DOCK7: variants seen among roughly 807,000 people sequenced by gnomAD.
DOCK7 encodes dedicator of cytokinesis protein 7.
DOCK7 carries 138 observed loss-of-function variants against 271.0 expected under a neutral mutation model. The ratio of observed to expected loss-of-function variants is 0.51; its 90% confidence interval spans 0.44 to 0.59. DOCK7 has a LOEUF of 0.59. Among genes scored for constraint, DOCK7 ranks in the 20% least tolerant of loss-of-function variants. The probability of loss-of-function intolerance (pLI) is 0.00; values close to 1 mark genes in which losing one functional copy is unlikely to be tolerated. For missense variants in DOCK7, 2,066 were observed against 2,592.4 expected (o/e 0.80, Z 4.41); for synonymous variants, 823 against 876.1 (o/e 0.94, Z 1.07).
chr1:62,659,913 C>T (rs1658471711), intron 2 of DOCK7, among the ~76,000 whole-genome samples: 2 of 152,042 alleles, frequency 1.3e-5, no homozygotes, highest in Non-Finnish European at 2.9e-5. Flanking sequence ...TACTAAATAA[C>T]AGAGCTATAA....
At chr1:62,644,937 C>G (rs2149670401) in intron 7 of DOCK7, among the ~76,000 whole-genome samples, 1 of 152,094 alleles carries the variant, frequency 6.6e-6, no homozygotes, top group South Asian at 2.1e-4. Flanking sequence ...TTTTATTTCT[C>G]TGAGAGAAAT....
chr1:62,619,263 A>T (rs893445875), intron 13 of DOCK7, among the ~76,000 whole-genome samples: 2 of 152,222 alleles, frequency 1.3e-5, no homozygotes, highest in African/African-American at 4.8e-5. Flanking sequence ...TCCAATCATA[A>T]TATGAATCTA....
intron 13 of DOCK7, among the ~76,000 whole-genome samples, chr1:62,619,188 A>G (rs1423034135): frequency 1.3e-5 from 2 of 152,228 alleles, no homozygotes; most frequent in African/African-American, 2.4e-5. Flanking sequence ...AAGTCATTTC[A>G]AAGATTAAAA....
chr1:62,633,206 T>G (rs905026949), intron 10 of DOCK7, among the ~76,000 whole-genome samples: 5 of 151,754 alleles, frequency 3.3e-5, no homozygotes, highest in Non-Finnish European at 7.4e-5. Flanking sequence ...GTTCTCTCCA[T>G]GAAGAAAAAA....
At chr1:62,559,820 AG>A (rs1350729031) in intron 19 of DOCK7, among the ~76,000 whole-genome samples, 1 of 152,172 alleles carries the variant, frequency 6.6e-6, no homozygotes, top group East Asian at 1.9e-4. Flanking sequence ...CTTGGATTTC[AG>A]GGGGGTTCCC....
At chr1:62,641,572 C>G (rs991300773) in intron 7 of DOCK7, 1 of 473,068 alleles carries the variant, frequency 2.1e-6, no homozygotes, top group Non-Finnish European at 4.3e-6. Context: ...GGTACTTTAA[C>G]TTGTTTCTGT....
rs1259929599 is a variant in DOCK7 at position 62,680,445 on chromosome 1, A to T, written c.38+7782T>A. 1.1e-4 allele frequency among the ~76,000 whole-genome samples: 17 copies of T among 151,956 alleles called. No individual in the cohort carries two copies. In the East Asian group the frequency reaches 2.9e-3, roughly 26 times the overall value. On this transcript the variant is annotated intron_variant, in intron 1 of 49. Transcript: ENST00000635253. ...AAAACCATAAAAACCCTAGAAGAAA[A>T]CCTAGGCAATACCATTCAGGACATA...
intron 7 of DOCK7, among the ~76,000 whole-genome samples, chr1:62,640,919 T>C (rs1655943257): frequency 6.6e-6 from 1 of 152,246 alleles, no homozygotes; most frequent in African/African-American, 2.4e-5. Context: ...ACAAATTATG[T>C]CTGCACAATT....
intron 5 of DOCK7, 36 bp downstream of exon 5, chr1:62,648,379 T>C: frequency 6.9e-7 from 1 of 1,446,046 alleles, no homozygotes; most frequent in Non-Finnish European, 9.1e-7. Context: ...TATTTTTAAA[T>C]AACTTCTTAT....
chr1:62,658,145 AAAAAAAGAAAGAAAAG>A (rs1658245805), intron 2 of DOCK7, among the ~76,000 whole-genome samples: 1 of 151,838 alleles, frequency 6.6e-6, no homozygotes, highest in Non-Finnish European at 1.5e-5. Context: ...CAAAGAAAAA[AAAAAAAGAAAGAAAAG>A]AAAAAAGAAA....
chr1:62,625,166 C>T, intron 12 of DOCK7, 93 bp downstream of exon 12: 1 of 1,153,968 alleles, frequency 8.7e-7, no homozygotes, highest in Non-Finnish European at 1.2e-6. Context: ...GAATCACCCT[C>T]CCATACATGT....
intron 1 of DOCK7, among the ~76,000 whole-genome samples, chr1:62,685,515 G>A (rs1661626838): frequency 6.6e-6 from 1 of 152,020 alleles, no homozygotes. Flanking sequence ...CATTCTCACT[G>A]GACAATCTCA....
chr1:62,629,166 G>A (rs1287546199), intron 11 of DOCK7: 1 of 152,070 alleles, frequency 6.6e-6, no homozygotes, highest in African/African-American at 2.4e-5. Context: ...CAGCCAAATT[G>A]GAAAACAGTG....
At chr1:62,621,686 T>C (rs1483325441) in intron 12 of DOCK7, among the ~76,000 whole-genome samples, 1 of 152,214 alleles carries the variant, frequency 6.6e-6, no homozygotes, top group Non-Finnish European at 1.5e-5. Context: ...TTAGTTTTAT[T>C]GAGTTATGGT....
At position 62,573,639 on chromosome 1, in the gene DOCK7, C is replaced by T. The variant is rs145202849; in HGVS notation, c.2112+3623G>A. Among the ~76,000 whole-genome samples the T allele has an allele frequency of 5.3e-5, 8 of 152,136 alleles. No homozygotes were observed. In the East Asian group the frequency reaches 1.5e-3, roughly 29 times the overall value. The stretch of plus-strand genomic sequence containing the variant: ...GTAAATAATATCATATTTTGGCATA[C>T]AAATACTTCATTTTAAAAGTAATTT... On this transcript the variant is annotated intron_variant, in intron 18 of 49. Transcript: ENST00000635253.
chr1:62,606,649 C>T (rs1244591086), intron 14 of DOCK7, among the ~76,000 whole-genome samples: 1 of 152,096 alleles, frequency 6.6e-6, no homozygotes, highest in Non-Finnish European at 1.5e-5. Flanking sequence ...ACTATACTCT[C>T]CATGGATTAT....
rs2149322774 is a variant in DOCK7, at chr1:62,505,727, A to C, written c.4566T>G (p.Val1522=). ...LHSMACNQSA[V]YLQHCFATQR... ...GTGTAGCAAAACAGTGTTGTAGATA[A>C]ACTGCACTTTGGTTACAGGCCATGC... Residue 1522 remains valine, a synonymous_variant, in exon 36 of 50, where the codon GTT becomes GTG. Transcript: ENST00000635253. 1 of 1,613,694 alleles carries C rather than the reference A, an allele frequency of 6.2e-7. No individual in the cohort carries two copies. The highest frequency in any genetic ancestry group is 2.2e-5 in the East Asian group (1 of 44,820).
chr1:62,588,424 T>C (rs1401030763), intron 14 of DOCK7, among the ~76,000 whole-genome samples: 3 of 152,188 alleles, frequency 2.0e-5, no homozygotes, highest in Non-Finnish European at 4.4e-5. Context: ...GGGAAGTCTT[T>C]TCATTTATAA....
At position 62,547,632 on chromosome 1, in the gene DOCK7, C is replaced by T. The variant is rs190077332; in HGVS notation, c.2767-2593G>A. ...AAAAAGATGATATATGAGAAAGAAA[C>T]GTATCAGTGCAAAATTCCACTGGCA... On this transcript the variant is annotated intron_variant, in intron 22 of 49. Transcript: ENST00000635253. 2.6e-5 allele frequency among the ~76,000 whole-genome samples: 4 copies of T among 152,194 alleles called. No individual in the cohort carries two copies. In the East Asian group the frequency reaches 5.8e-4, roughly 22 times the overall value.
Sources: allele counts gnomAD v4.1 joint callset (sites outside exome capture counted in the v4.1 genomes callset), GRCh38; gene constraint gnomAD v4.1.1; transcripts MANE v1.5; gene names NCBI Gene and HGNC (gene_info 2026-07-23, HGNC 2026-07-21).